Variants in CLSTN2 observed in about 807,000 individuals in gnomAD.
CLSTN2 encodes calsyntenin-2.
A neutral mutation model predicts 101.2 loss-of-function variants in CLSTN2; 48 were observed. The ratio of observed to expected loss-of-function variants is 0.47; its 90% confidence interval spans 0.38 to 0.60. The LOEUF is 0.60. Ranked by LOEUF, CLSTN2 falls within the 20% of genes least tolerant of loss-of-function variation. The pLI, the probability that CLSTN2 is intolerant of heterozygous loss-of-function variation, is 0.00. For missense variants in CLSTN2, 1,160 were observed against 1,238.2 expected, an observed-to-expected ratio of 0.94 and a Z score of 0.95; for synonymous variants, 481 against 463.6, an observed-to-expected ratio of 1.04 and a Z score of -0.48.
In CLSTN2 at chr3:140,450,604, C is replaced by G. The variant is rs145865813; in HGVS notation, c.973+1900C>G. ...TATTTGGAGGTAACTGCATCTCCTC[C>G]AAAAGAAAAGGAGGCTGTGAATGCA... On this transcript the variant is annotated intron_variant, in intron 6 of 16. Coordinates refer to ENST00000458420, the MANE Select transcript of CLSTN2 (RefSeq NM_022131.3). 8.4e-3 allele frequency among the ~76,000 whole-genome samples: 1,282 copies of G among 152,232 alleles called. 7 individuals carry two copies. The highest frequency in any genetic ancestry group is 0.019 in the South Asian group (92 of 4,826).
chr3:140,154,765 C>T (rs1019201139), intron 1 of CLSTN2, among the ~76,000 whole-genome samples: 19 of 151,788 alleles, frequency 1.3e-4, no homozygotes, highest in African/African-American at 4.6e-4. Flanking sequence ...CTGCCTCAGC[C>T]TCCCAAATAG....
chr3:139,993,204 A>G (rs1174089527), intron 1 of CLSTN2, among the ~76,000 whole-genome samples: 2 of 151,606 alleles, frequency 1.3e-5, no homozygotes, highest in Non-Finnish European at 1.5e-5. Context: ...CTTCCCTCCT[A>G]TTCCAAGAGT....
At chr3:140,094,386 A>G (rs1373982034) in intron 1 of CLSTN2, among the ~76,000 whole-genome samples, 2 of 152,182 alleles carry the variant, frequency 1.3e-5, no homozygotes, top group Non-Finnish European at 2.9e-5. Context: ...TATAAAATCT[A>G]TGACTTGAAT....
chr3:140,263,131 T>G (rs1017491953), intron 2 of CLSTN2, among the ~76,000 whole-genome samples: 3 of 150,398 alleles, frequency 2.0e-5, no homozygotes, highest in African/African-American at 7.4e-5. Flanking sequence ...CCTCAGAGGA[T>G]AGCCTGGCTT....
chr3:140,224,786 A>G (rs75983745), intron 2 of CLSTN2, among the ~76,000 whole-genome samples: 73 of 152,300 alleles, frequency 4.8e-4, no homozygotes, highest in African/African-American at 1.7e-3. Flanking sequence ...AAACTTATGT[A>G]ACCAAAAAAC....
chr3:139,952,766 A>C (rs1935315281), intron 1 of CLSTN2, among the ~76,000 whole-genome samples: 2 of 152,178 alleles, frequency 1.3e-5, no homozygotes, highest in African/African-American at 4.8e-5. Context: ...TCCAAGTAGA[A>C]AATACCCTAA....
At chr3:140,503,892 C>G (rs753584436) in intron 8 of CLSTN2, among the ~76,000 whole-genome samples, 2 of 152,130 alleles carry the variant, frequency 1.3e-5, no homozygotes, top group Non-Finnish European at 2.9e-5. Context: ...CAAGGGGGCT[C>G]CTTAGGAAGA....
intron 2 of CLSTN2, among the ~76,000 whole-genome samples, chr3:140,193,466 C>T (rs1471452717): frequency 6.6e-6 from 1 of 151,344 alleles, no homozygotes; most frequent in East Asian, 1.9e-4. Flanking sequence ...ATGTTGTGCC[C>T]TTCCTTCTAG....
chr3:140,459,786 G>C lies in CLSTN2; in HGVS notation c.1222+17G>C, dbSNP rs764356468. ...ACAAAACCGGTGAGTCTCTAGCCCA[G>C]CCCTTCCACCCCTCCTACCCCAGCA... On this transcript the variant is annotated intron_variant, in intron 7 of 16. Coordinates refer to ENST00000458420, the MANE Select transcript of CLSTN2 (RefSeq NM_022131.3). 3.2e-6 allele frequency: 5 copies of C among 1,567,922 alleles called. No individual in the cohort carries two copies. In the Admixed American group the frequency reaches 7.1e-5, roughly 22 times the overall value.
intron 2 of CLSTN2, among the ~76,000 whole-genome samples, chr3:140,284,635 A>G (rs1236092812): frequency 6.6e-6 from 1 of 152,084 alleles, no homozygotes; most frequent in East Asian, 1.9e-4. Flanking sequence ...AGCAGCACAA[A>G]TCCTCTCTCA....
chr3:140,345,073 T>A (rs1013153717), intron 2 of CLSTN2, among the ~76,000 whole-genome samples: 6 of 151,986 alleles, frequency 3.9e-5, no homozygotes, highest in Admixed American at 6.6e-5. Context: ...GTGTAGACCA[T>A]GTGGCTTATG....
chr3:140,520,936 T>TCTATTCTGTTATTGATA (rs1935010785), intron 8 of CLSTN2, among the ~76,000 whole-genome samples: 3 of 152,180 alleles, frequency 2.0e-5, no homozygotes, highest in Admixed American at 2.0e-4. Context: ...TTCCACTTGG[T>TCTATTCTGTTATTGATA]CTATTCTGTT....
intron 1 of CLSTN2, among the ~76,000 whole-genome samples, chr3:139,973,111 G>A (rs140562141): frequency 3.9e-5 from 6 of 152,336 alleles, no homozygotes; most frequent in East Asian, 1.9e-4. Flanking sequence ...GAGGGCTTTC[G>A]TGGCAGATGT....
At chr3:140,356,545 G>C (rs1195430460) in intron 2 of CLSTN2, among the ~76,000 whole-genome samples, 1 of 151,998 alleles carries the variant, frequency 6.6e-6, no homozygotes, top group Non-Finnish European at 1.5e-5. Context: ...AGATCACAAG[G>C]TCAGGAGTTC....
At chr3:140,516,871 C>G (rs1056173521) in intron 8 of CLSTN2, among the ~76,000 whole-genome samples, 23 of 152,162 alleles carry the variant, frequency 1.5e-4, no homozygotes, top group Admixed American at 1.3e-4. Context: ...ATTTGGATGT[C>G]TAGATCTCTA....
At chr3:139,980,089 A>T (rs1344796540) in intron 1 of CLSTN2, among the ~76,000 whole-genome samples, 3 of 152,032 alleles carry the variant, frequency 2.0e-5, no homozygotes, top group Non-Finnish European at 4.4e-5. Flanking sequence ...GGCCACCATC[A>T]TCTCTCACCT....
intron 1 of CLSTN2, among the ~76,000 whole-genome samples, chr3:139,949,683 A>C (rs1344936596): frequency 1.3e-5 from 2 of 152,196 alleles, no homozygotes; most frequent in African/African-American, 2.4e-5. Context: ...GCATAGACAT[A>C]AGGCCCCACT....
At chr3:140,071,038 G>A (rs768899181) in intron 1 of CLSTN2, among the ~76,000 whole-genome samples, 1 of 152,034 alleles carries the variant, frequency 6.6e-6, no homozygotes, top group African/African-American at 2.4e-5. Context: ...TAGCCTTATC[G>A]AATTTCAAAT....
chr3:139,955,112 CTATATATATATATATA>C (rs58418059), intron 1 of CLSTN2, among the ~76,000 whole-genome samples: 3 of 71,546 alleles, frequency 4.2e-5, no homozygotes, highest in East Asian at 1.1e-3. Context: ...GGCAATATTG[CTATATATATATATATA>C]TATATATATA....
Sources: gnomAD v4.1 joint callset for allele counts (sites outside exome capture counted in the v4.1 genomes callset) on GRCh38, gnomAD v4.1.1 for gene constraint, MANE v1.5 for transcripts, NCBI Gene and HGNC (gene_info 2026-07-23, HGNC 2026-07-21) for gene names.